PPP1R12B: variants seen among roughly 807,000 people sequenced by gnomAD.
PPP1R12B encodes myosin phosphatase target subunit 2.
Under a neutral mutation model 126.1 loss-of-function variants are expected in PPP1R12B, and 76 were observed. That is an observed-to-expected ratio of 0.60 (90% CI 0.50 to 0.73). The LOEUF is 0.73. Among genes scored for constraint, PPP1R12B ranks in the 30% least tolerant of loss-of-function variants. The pLI, the probability that PPP1R12B is intolerant of heterozygous loss-of-function variation, is 0.00. For synonymous variants in PPP1R12B, 356 were observed against 434.7 expected (o/e 0.82, Z 2.25); for missense variants, 1,052 against 1,205.1 (o/e 0.87, Z 1.88).
At chr1:202,375,106 C>G (rs1038281358) in intron 1 of PPP1R12B, among the ~76,000 whole-genome samples, 2 of 151,994 alleles carry the variant, frequency 1.3e-5, no homozygotes, top group Non-Finnish European at 2.9e-5. Context: ...CCACGCCCGG[C>G]TAATTTTTTG....
In PPP1R12B at chr1:202,444,738, A is replaced by G. The variant is rs1238771342; in HGVS notation, c.1667+2166A>G. Among the ~76,000 whole-genome samples, 4 of 152,110 alleles carry G rather than the reference A, an allele frequency of 2.6e-5. No individual in the cohort carries two copies. The East Asian group carries it at 7.7e-4, about 29-fold the overall frequency. On this transcript the variant is annotated intron_variant, in intron 12 of 23. Coordinates refer to ENST00000608999, the MANE Select transcript of PPP1R12B (RefSeq NM_002481.4). ...CTTTCTTAGCCTCTCCTCTTATCAT[A>G]TATTCTACTTTCCTGCTTTCCCTCA... is the stretch of plus-strand genomic sequence containing the variant.
chr1:202,476,961 A>C (rs534884558), intron 13 of PPP1R12B, among the ~76,000 whole-genome samples: 33 of 152,266 alleles, frequency 2.2e-4, no homozygotes, highest in African/African-American at 7.5e-4. Context: ...TACTTGGAGT[A>C]GTTTTATTTT....
chr1:202,510,594 A>G (rs1413065333), intron 18 of PPP1R12B, among the ~76,000 whole-genome samples: 1 of 152,122 alleles, frequency 6.6e-6, no homozygotes, highest in Non-Finnish European at 1.5e-5. Flanking sequence ...CTCCCGAAAT[A>G]CACATTTAAC....
intron 13 of PPP1R12B, among the ~76,000 whole-genome samples, chr1:202,463,574 T>G (rs1408466165): frequency 6.6e-6 from 1 of 152,190 alleles, no homozygotes; most frequent in Non-Finnish European, 1.5e-5. Flanking sequence ...AGATTGCAAC[T>G]TGAGTTGGCC....
At chr1:202,464,847 A>G (rs539827744) in intron 13 of PPP1R12B, among the ~76,000 whole-genome samples, 4 of 152,336 alleles carry the variant, frequency 2.6e-5, no homozygotes, top group African/African-American at 9.6e-5. Context: ...CAAGACATCA[A>G]ATGTACACAT....
intron 18 of PPP1R12B, among the ~76,000 whole-genome samples, chr1:202,550,158 ACTTAGGTCC>A (rs1686160999): frequency 6.6e-6 from 1 of 152,230 alleles, no homozygotes; most frequent in Non-Finnish European, 1.5e-5. Flanking sequence ...ACCCTATGTT[ACTTAGGTCC>A]CAAGTATTAA....
At chr1:202,578,297 G>A (rs1238301163) in intron 23 of PPP1R12B, among the ~76,000 whole-genome samples, 1 of 152,208 alleles carries the variant, frequency 6.6e-6, no homozygotes, top group Non-Finnish European at 1.5e-5. Context: ...GCAGTGAAAT[G>A]TAATCCATTG....
chr1:202,398,138 G>T lies in PPP1R12B; in HGVS notation c.292-18649G>T, dbSNP rs184654692. The stretch of plus-strand genomic sequence containing the variant: ...CAGTATGCCAAATTCCTTAAATTTG[G>T]CAGATTCTCATAGTATATGATCTCA... On this transcript the variant is annotated intron_variant, in intron 1 of 23. Transcript: ENST00000608999. 2.0e-5 allele frequency among the ~76,000 whole-genome samples: 3 copies of T among 152,222 alleles called. No homozygotes were observed. The East Asian group carries it at 5.8e-4, about 29-fold the overall frequency.
intron 13 of PPP1R12B, among the ~76,000 whole-genome samples, chr1:202,475,359 A>G (rs1389357384): frequency 2.0e-5 from 3 of 152,196 alleles, no homozygotes; most frequent in Non-Finnish European, 4.4e-5. Flanking sequence ...GAAATGTAAA[A>G]ATCATACTTT....
chr1:202,378,760 G>C (rs1282213319), intron 1 of PPP1R12B, among the ~76,000 whole-genome samples: 1 of 152,228 alleles, frequency 6.6e-6, no homozygotes, highest in Non-Finnish European at 1.5e-5. Flanking sequence ...TTATAGGCAT[G>C]AGCCATCGCG....
intron 18 of PPP1R12B, among the ~76,000 whole-genome samples, chr1:202,527,973 T>C (rs1473858179): frequency 6.6e-6 from 1 of 152,252 alleles, no homozygotes; most frequent in Non-Finnish European, 1.5e-5. Flanking sequence ...GTACAGGTTT[T>C]AAGGATTGGA....
intron 13 of PPP1R12B, among the ~76,000 whole-genome samples, chr1:202,455,851 T>C (rs1191811927): frequency 1.3e-5 from 2 of 152,026 alleles, no homozygotes; most frequent in African/African-American, 4.8e-5. Context: ...TACATATGAA[T>C]TGGATGAGGA....
At chr1:202,417,136 T>G in intron 2 of PPP1R12B, 1 of 813,080 alleles carries the variant, frequency 1.2e-6, no homozygotes, top group African/African-American at 1.9e-5. Context: ...TTTGTTTGCT[T>G]CTATTTTCAG....
intron 1 of PPP1R12B, among the ~76,000 whole-genome samples, chr1:202,375,105 G>C (rs939881609): frequency 6.6e-6 from 1 of 151,970 alleles, no homozygotes; most frequent in Non-Finnish European, 1.5e-5. Flanking sequence ...ACCACGCCCG[G>C]CTAATTTTTT....
At chr1:202,412,680 T>G (rs1374901830) in intron 1 of PPP1R12B, among the ~76,000 whole-genome samples, 2 of 152,212 alleles carry the variant, frequency 1.3e-5, no homozygotes. Flanking sequence ...TTGACCTTCT[T>G]GATATAGGAG....
chr1:202,568,077 C>T (rs749351172), intron 22 of PPP1R12B, among the ~76,000 whole-genome samples: 2 of 152,038 alleles, frequency 1.3e-5, no homozygotes, highest in Non-Finnish European at 2.9e-5. Flanking sequence ...GGGAAGGGTC[C>T]TTGGAAGGTC....
At chr1:202,570,641 A>T (rs1027567795) in intron 23 of PPP1R12B, among the ~76,000 whole-genome samples, 3 of 152,206 alleles carry the variant, frequency 2.0e-5, no homozygotes, top group African/African-American at 7.2e-5. Flanking sequence ...CCTTACTACC[A>T]CACAGAAGTA....
At chr1:202,413,935 T>C (rs1331790653) in intron 1 of PPP1R12B, among the ~76,000 whole-genome samples, 1 of 151,020 alleles carries the variant, frequency 6.6e-6, no homozygotes, top group East Asian at 1.9e-4. Context: ...TTCGTTTCCT[T>C]TTTTTTTTGA....
Position 202,395,379 on chromosome 1 carries a change from C to T in PPP1R12B, c.292-21408C>T, listed in dbSNP as rs1214683328. Among the ~76,000 whole-genome samples the T allele has an allele frequency of 5.7e-4, 86 of 152,130 alleles. 1 individual carries two copies. Among genetic ancestry groups the T allele is most frequent in the Admixed American group, 5.6e-3 (85 of 15,276 alleles). Reference sequence around the variant, plus strand: ...ACTGTCTTATAAAAATAAAATACCGCCGCTCCCTTGATTCTCATGCCACCT... The same window carrying T: ...ACTGTCTTATAAAAATAAAATACCGTCGCTCCCTTGATTCTCATGCCACCT... On this transcript the variant is annotated intron_variant, in intron 1 of 23. Coordinates refer to ENST00000608999, the MANE Select transcript of PPP1R12B (RefSeq NM_002481.4).
Sources: allele counts gnomAD v4.1 joint callset (sites outside exome capture counted in the v4.1 genomes callset), GRCh38; gene constraint gnomAD v4.1.1; transcripts MANE v1.5; gene names NCBI Gene and HGNC (gene_info 2026-07-23, HGNC 2026-07-21).